The following RIMS1 variants were observed in gnomAD, a reference collection of about 807,000 sequenced individuals.
RIMS1 encodes the protein regulating synaptic membrane exocytosis 1.
A neutral mutation model predicts 214.1 loss-of-function variants in RIMS1; 83 were observed. That is an observed-to-expected ratio of 0.39 (90% CI 0.32 to 0.47). The LOEUF (loss-of-function observed/expected upper bound fraction) is 0.47, where lower values mean the gene tolerates loss of function less well. Ranked by LOEUF, RIMS1 falls within the 20% of genes least tolerant of loss-of-function variation. The pLI is 0.99. For missense variants in RIMS1, 2,050 were observed against 2,161.8 expected (o/e 0.95, Z 1.03); for synonymous variants, 793 against 786.8 (o/e 1.01, Z -0.13).
Position 72,400,939 on chromosome 6 carries a change from G to A in RIMS1, c.*225G>A. On this transcript the variant is annotated 3_prime_UTR_variant, in exon 34 of 34. Transcript: ENST00000521978. ...AGGAAGAATCAACATGCTGGTGAGA[G>A]TCACTGATGCTTCTAACAAATAGAA... 1.9e-6 allele frequency: 1 copy of A among 514,224 alleles called. No homozygotes were observed. Among genetic ancestry groups the A allele is most frequent in the Non-Finnish European group, 3.5e-6 (1 of 287,884 alleles). 31.9% of individuals were successfully genotyped at this position (514,224 alleles called of 1,614,324 possible).
At chr6:72,133,349 T>A (rs1474654104) in intron 4 of RIMS1, among the ~76,000 whole-genome samples, 1 of 151,910 alleles carries the variant, frequency 6.6e-6, no homozygotes, top group African/African-American at 2.4e-5. Flanking sequence ...GTTTGTAGAA[T>A]GCGTTAGAAA....
chr6:72,259,859 A>T (rs1563191704), intron 18 of RIMS1, among the ~76,000 whole-genome samples: 1 of 152,128 alleles, frequency 6.6e-6, no homozygotes, highest in Non-Finnish European at 1.5e-5. Flanking sequence ...CTGGCTTTTT[A>T]AAATGGAGAA....
At chr6:72,008,340 A>G (rs939191492) in intron 2 of RIMS1, among the ~76,000 whole-genome samples, 4 of 152,206 alleles carry the variant, frequency 2.6e-5, no homozygotes, top group African/African-American at 9.7e-5. Flanking sequence ...ACACGGAAAG[A>G]AACAACTGGT....
intron 1 of RIMS1, among the ~76,000 whole-genome samples, chr6:71,894,553 G>T (rs1771048480): frequency 1.3e-5 from 2 of 152,178 alleles, no homozygotes; most frequent in Admixed American, 1.3e-4. Flanking sequence ...AATAATAGTA[G>T]TTATGAATTG....
In RIMS1 at chr6:71,981,549, C is replaced by T. The variant is rs1363391094; in HGVS notation, c.245+12486C>T. Among the ~76,000 whole-genome samples, 4 of 151,976 alleles carry T rather than the reference C, an allele frequency of 2.6e-5. No homozygotes were observed. The East Asian group carries it at 7.7e-4, about 29-fold the overall frequency. ...TAGGTCACACTCTTTGTGGTATTCA[C>T]CCCACATTAGAAAAAATTCATAGAA... On this transcript the variant is annotated intron_variant, in intron 2 of 33. Transcript: ENST00000521978.
chr6:72,099,089 AG>A (rs2032842370), intron 3 of RIMS1, among the ~76,000 whole-genome samples: 1 of 152,362 alleles, frequency 6.6e-6, no homozygotes, highest in African/African-American at 2.4e-5. Context: ...AATGAGGCGC[AG>A]ATCAGCTGAG....
At chr6:72,084,655 T>A (rs1303535936) in intron 2 of RIMS1, among the ~76,000 whole-genome samples, 1 of 152,166 alleles carries the variant, frequency 6.6e-6, no homozygotes, top group East Asian at 1.9e-4. Context: ...CTCCATGTCC[T>A]CAGATGTCTT....
chr6:72,079,667 T>C (rs986297100), intron 2 of RIMS1, among the ~76,000 whole-genome samples: 8 of 152,096 alleles, frequency 5.3e-5, no homozygotes, highest in Non-Finnish European at 8.8e-5. Context: ...GAGGATCAGT[T>C]GAACCCAGGA....
chr6:71,982,722 A>T (rs1312217218), intron 2 of RIMS1, among the ~76,000 whole-genome samples: 1 of 151,816 alleles, frequency 6.6e-6, no homozygotes. Flanking sequence ...TCTCACTCCC[A>T]TCCTCATATT....
rs764741422 is a variant in RIMS1, at chr6:72,299,525, A to AT, written c.3850+7487dup. Reference sequence around the variant, plus strand: ...ATTAGGATTGTCTCTAGTCAACTATATTTTTTTTAAGTACCAGGTTTCTTT... The same window carrying AT: ...ATTAGGATTGTCTCTAGTCAACTATATTTTTTTTTAAGTACCAGGTTTCTTT... On this transcript the variant is annotated intron_variant, in intron 26 of 33. Transcript: ENST00000521978. Among the ~76,000 whole-genome samples, 30 of 151,642 alleles carry AT rather than the reference A, an allele frequency of 2.0e-4. No homozygotes were observed. The East Asian group carries it at 2.1e-3, about 11-fold the overall frequency.
At chr6:72,125,922 T>C (rs2039415947) in intron 4 of RIMS1, among the ~76,000 whole-genome samples, 1 of 152,122 alleles carries the variant, frequency 6.6e-6, no homozygotes, top group African/African-American at 2.4e-5. Context: ...GAAAGGGAAA[T>C]CCCCTGACCC....
chr6:72,275,085 T>C (rs2085487630), intron 23 of RIMS1, among the ~76,000 whole-genome samples: 1 of 141,724 alleles, frequency 7.1e-6, no homozygotes, highest in Admixed American at 7.1e-5. Flanking sequence ...GTTATTCTTC[T>C]CAGTGTGAAG....
intron 2 of RIMS1, among the ~76,000 whole-genome samples, chr6:72,094,388 G>C (rs578104982): frequency 6.6e-6 from 1 of 152,202 alleles, no homozygotes; most frequent in African/African-American, 2.4e-5. Flanking sequence ...TCAGTGCCCT[G>C]CCTGTATATA....
chr6:72,340,055 A>C (rs1451773205), intron 29 of RIMS1, among the ~76,000 whole-genome samples: 1 of 151,732 alleles, frequency 6.6e-6, no homozygotes, highest in Non-Finnish European at 1.5e-5. Flanking sequence ...GCATTTTTTC[A>C]TGTGGTTTTT....
intron 28 of RIMS1, among the ~76,000 whole-genome samples, chr6:72,332,267 C>A (rs1163611414): frequency 6.6e-6 from 1 of 151,554 alleles, no homozygotes; most frequent in Non-Finnish European, 1.5e-5. Context: ...TTAGTTTTTG[C>A]AAATATTTTG....
At position 72,289,254 on chromosome 6, in the gene RIMS1, C is replaced by A. The variant is rs567590308; in HGVS notation, c.3555-1425C>A. ...CCACGTTTAGAAAGAGTATCTTGAA[C>A]AAAGATTGAAGTTTATTGTCATGAT... On this transcript the variant is annotated intron_variant, in intron 24 of 33. Coordinates refer to ENST00000521978, the MANE Select transcript of RIMS1 (RefSeq NM_014989.7). Among the ~76,000 whole-genome samples the A allele has an allele frequency of 2.0e-5, 3 of 152,118 alleles. No individual in the cohort carries two copies. The South Asian group carries it at 6.2e-4, about 32-fold the overall frequency.
At chr6:72,258,371 A>C (rs1009547542) in intron 17 of RIMS1, 90 bp downstream of exon 17, 115 of 1,285,434 alleles carry the variant, frequency 8.9e-5, no homozygotes, top group Middle Eastern at 3.9e-4. Flanking sequence ...AAATGAAAAA[A>C]TAGTTTGGTC....
intron 1 of RIMS1, among the ~76,000 whole-genome samples, chr6:71,952,063 A>G (rs1203105155): frequency 6.6e-6 from 1 of 152,172 alleles, no homozygotes; most frequent in African/African-American, 2.4e-5. Flanking sequence ...CAGTTCCATC[A>G]TGCATGGGCA....
rs1363038281 is a variant in RIMS1 at position 72,007,680 on chromosome 6, C to G, written c.245+38617C>G. ...GCATGAGAACTACGTGACGAATGCA[C>G]AAGCTTCAGTAGCTGATTTGATCAA... On this transcript the variant is annotated intron_variant, in intron 2 of 33. Coordinates refer to ENST00000521978, the MANE Select transcript of RIMS1 (RefSeq NM_014989.7). 2.0e-5 allele frequency among the ~76,000 whole-genome samples: 3 copies of G among 152,132 alleles called. No individual in the cohort carries two copies. In the East Asian group the frequency reaches 5.8e-4, roughly 29 times the overall value.
Sources: allele counts gnomAD v4.1 joint callset (sites outside exome capture counted in the v4.1 genomes callset), GRCh38; gene constraint gnomAD v4.1.1; transcripts MANE v1.5; gene names NCBI Gene and HGNC (gene_info 2026-07-23, HGNC 2026-07-21).